The following STXBP5L variants were observed in gnomAD, a reference collection of about 807,000 sequenced individuals.
The protein encoded by STXBP5L is syntaxin binding protein 5L.
STXBP5L carries 65 observed loss-of-function variants against 144.5 expected under a neutral mutation model. The observed-to-expected ratio is 0.45, with a 90% CI of 0.37 to 0.55. The LOEUF is 0.55. Ranked by LOEUF, STXBP5L falls within the 20% of genes least tolerant of loss-of-function variation. The pLI is 0.00. For missense variants in STXBP5L, 1,298 were observed against 1,405.5 expected (o/e 0.92, Z 1.22); for synonymous variants, 505 against 469.6 (o/e 1.08, Z -0.97).
At chr3:120,964,487 G>A (rs1279830688) in intron 3 of STXBP5L, among the ~76,000 whole-genome samples, 1 of 152,088 alleles carries the variant, frequency 6.6e-6, no homozygotes, top group Non-Finnish European at 1.5e-5. Context: ...GTTCTCATTG[G>A]TTTCAAAGAA....
At chr3:121,294,145 A>G (rs1267459957) in intron 19 of STXBP5L, among the ~76,000 whole-genome samples, 1 of 152,240 alleles carries the variant, frequency 6.6e-6, no homozygotes, top group Non-Finnish European at 1.5e-5. Context: ...CAAAAAGGAA[A>G]GCAAGCTGGT....
chr3:121,092,270 A>G (rs2042850913), intron 5 of STXBP5L, among the ~76,000 whole-genome samples: 1 of 151,844 alleles, frequency 6.6e-6, no homozygotes, highest in Non-Finnish European at 1.5e-5. Context: ...TCTTGGTTCC[A>G]TATGAACTTT....
chr3:121,357,952 T>G (rs2045582725), intron 20 of STXBP5L: 1 of 152,218 alleles, frequency 6.6e-6, no homozygotes, highest in South Asian at 2.1e-4. Context: ...AAAATCTTTT[T>G]TTCTTTTTTA....
intron 5 of STXBP5L, among the ~76,000 whole-genome samples, chr3:121,051,603 T>G (rs879662323): frequency 7.2e-5 from 11 of 152,092 alleles, no homozygotes; most frequent in Admixed American, 1.3e-4. Context: ...AGAGGGAAAT[T>G]TATAGCACTA....
chr3:120,976,375 G>T (rs1226736552), intron 3 of STXBP5L, among the ~76,000 whole-genome samples: 1 of 152,082 alleles, frequency 6.6e-6, no homozygotes, highest in Non-Finnish European at 1.5e-5. Context: ...GTATTTCTGT[G>T]GGATTGGTGG....
chr3:121,319,600 A>G (rs1412812610), intron 20 of STXBP5L, among the ~76,000 whole-genome samples: 1 of 152,132 alleles, frequency 6.6e-6, no homozygotes, highest in African/African-American at 2.4e-5. Context: ...ATTGACACCA[A>G]CCCAATTTAG....
chr3:121,217,448 C>T (rs1321583717), intron 10 of STXBP5L, among the ~76,000 whole-genome samples: 1 of 152,082 alleles, frequency 6.6e-6, no homozygotes, highest in Non-Finnish European at 1.5e-5. Context: ...GTTCTTCAAC[C>T]CCTTGCACTT....
At chr3:121,131,150 A>G (rs908719549) in intron 7 of STXBP5L, among the ~76,000 whole-genome samples, 4 of 152,156 alleles carry the variant, frequency 2.6e-5, no homozygotes, top group African/African-American at 9.6e-5. Flanking sequence ...AACCTAATCA[A>G]GAAAAACAGG....
intron 2 of STXBP5L, among the ~76,000 whole-genome samples, chr3:120,931,325 A>G (rs1340429339): frequency 6.6e-6 from 1 of 152,212 alleles, no homozygotes; most frequent in Non-Finnish European, 1.5e-5. Flanking sequence ...TGCATATGTT[A>G]GCTGGATAAG....
chr3:121,003,454 C>A (rs1219831711), intron 3 of STXBP5L, among the ~76,000 whole-genome samples: 2 of 152,064 alleles, frequency 1.3e-5, no homozygotes, highest in Admixed American at 6.5e-5. Context: ...GGATATTAGC[C>A]CTTTGTCAGA....
intron 20 of STXBP5L, among the ~76,000 whole-genome samples, chr3:121,342,544 G>A (rs1576224620): frequency 7.6e-6 from 1 of 132,334 alleles, no homozygotes; most frequent in East Asian, 2.2e-4. Flanking sequence ...TCCCCTTCCT[G>A]TGTCCATGTG....
At chr3:121,373,240 G>T (rs549860210) in intron 20 of STXBP5L, among the ~76,000 whole-genome samples, 29 of 152,342 alleles carry the variant, frequency 1.9e-4, no homozygotes, top group African/African-American at 6.3e-4. Flanking sequence ...TAGGAGGGAT[G>T]CTCCAATGCA....
intron 2 of STXBP5L, among the ~76,000 whole-genome samples, chr3:120,947,892 A>G (rs1710961218): frequency 6.6e-6 from 1 of 151,810 alleles, no homozygotes; most frequent in Non-Finnish European, 1.5e-5. Flanking sequence ...TTTGGCTGCT[A>G]TGAATAATGC....
chr3:121,086,046 A>T (rs1180220306), intron 5 of STXBP5L, among the ~76,000 whole-genome samples: 3 of 152,202 alleles, frequency 2.0e-5, no homozygotes, highest in African/African-American at 7.2e-5. Flanking sequence ...GACAAACCTA[A>T]CAAAAGCAAT....
intron 3 of STXBP5L, among the ~76,000 whole-genome samples, chr3:120,979,864 A>G (rs920170814): frequency 3.0e-4 from 45 of 152,298 alleles, no homozygotes; most frequent in African/African-American, 1.0e-3. Flanking sequence ...ATTTAACACT[A>G]TAAGCTTCCC....
chr3:121,314,241 C>CAG lies in STXBP5L; in HGVS notation c.2111-4233_2111-4232dup, dbSNP rs1453193358. On this transcript the variant is annotated intron_variant, in intron 19 of 26. Coordinates refer to ENST00000471454, the MANE Select transcript of STXBP5L (RefSeq NM_001308330.2). ...ATCTCGGCTCTTTGGGAGGCCAAGG[C>CAG]AGGCGGCTGGGAGGTGGTTGTAGCG... Among the ~76,000 whole-genome samples, 504 of 141,832 alleles carry CAG rather than the reference C, an allele frequency of 3.6e-3. 1 individual carries two copies. The highest frequency in any genetic ancestry group is 0.013 in the African/African-American group (484 of 37,614). The allele number at this position is 141,832 out of a possible 152,430, so 93.0% of individuals were successfully genotyped here. A position where few individuals can be genotyped will look rare whatever the true frequency, so the allele number is the denominator to read the frequency against.
At chr3:121,369,226 G>A (rs533075763) in intron 20 of STXBP5L, among the ~76,000 whole-genome samples, 111 of 152,174 alleles carry the variant, frequency 7.3e-4, no homozygotes, top group African/African-American at 2.6e-3. Context: ...CCTGAAAGTT[G>A]TATGTCTTCA....
rs1947458884 is a variant in STXBP5L, at chr3:121,045,553, A to G, written c.470+18A>G. On this transcript the variant is annotated intron_variant, in intron 5 of 26. Coordinates refer to ENST00000471454, the MANE Select transcript of STXBP5L (RefSeq NM_001308330.2). The stretch of plus-strand genomic sequence containing the variant: ...CGGGAACGGTAAGAACCTATGAATT[A>G]AACAATTTCTTAATGTACAACAAAA... 6.3e-7 allele frequency: 1 copy of G among 1,591,634 alleles called. No individual in the cohort carries two copies. Among genetic ancestry groups the G allele is most frequent in the Non-Finnish European group, 8.5e-7 (1 of 1,171,478 alleles).
chr3:120,984,960 A>G (rs543540748), intron 3 of STXBP5L, among the ~76,000 whole-genome samples: 3 of 152,104 alleles, frequency 2.0e-5, no homozygotes, highest in Admixed American at 6.5e-5. Flanking sequence ...TAGATATTAC[A>G]TTGATCAATA....
Sources: allele counts gnomAD v4.1 joint callset (sites outside exome capture counted in the v4.1 genomes callset), GRCh38; gene constraint gnomAD v4.1.1; transcripts MANE v1.5; gene names NCBI Gene and HGNC (gene_info 2026-07-23, HGNC 2026-07-21).